Variants in ERC1 observed in about 807,000 individuals in gnomAD.
The protein encoded by ERC1 is ELKS/RAB6-interacting/CAST family member 1, also known as RAB6 interacting protein 2.
Under a neutral mutation model 132.0 loss-of-function variants are expected in ERC1, and 56 were observed. That is an observed-to-expected ratio of 0.42 (90% CI 0.34 to 0.53). The LOEUF (loss-of-function observed/expected upper bound fraction) is 0.53. ERC1 is among the 20% of genes least tolerant of loss of function. The probability of loss-of-function intolerance (pLI) is 0.03; values close to 1 mark genes in which losing one functional copy is unlikely to be tolerated. For missense variants in ERC1, 1,202 were observed against 1,349.9 expected, an observed-to-expected ratio of 0.89 and a Z score of 1.72; for synonymous variants, 478 against 476.1, an observed-to-expected ratio of 1.00 and a Z score of -0.05.
intron 15 of ERC1, among the ~76,000 whole-genome samples, chr12:1,326,184 T>G (rs1243239027): frequency 6.6e-6 from 1 of 152,190 alleles, no homozygotes; most frequent in African/African-American, 2.4e-5. Context: ...CTCACCGTTT[T>G]ACTGATTTGC....
chr12:1,014,664 C>G (rs1965233510), intron 1 of ERC1, among the ~76,000 whole-genome samples: 1 of 152,134 alleles, frequency 6.6e-6, no homozygotes, highest in Non-Finnish European at 1.5e-5. Flanking sequence ...GCCTCGTAAG[C>G]ATTCTTCTGT....
chr12:1,019,603 C>CA (rs1415808702), intron 1 of ERC1, among the ~76,000 whole-genome samples: 1 of 152,200 alleles, frequency 6.6e-6, no homozygotes, highest in Admixed American at 6.5e-5. Context: ...GGACCTCCTG[C>CA]AAGGGGGTCT....
chr12:1,075,314 AAC>A (rs1941157040), intron 2 of ERC1, among the ~76,000 whole-genome samples: 1 of 152,204 alleles, frequency 6.6e-6, no homozygotes, highest in Non-Finnish European at 1.5e-5. Context: ...ATAGTTGATT[AAC>A]ACATATTTTG....
intron 15 of ERC1, among the ~76,000 whole-genome samples, chr12:1,302,150 T>C (rs937239251): frequency 6.6e-6 from 1 of 152,128 alleles, no homozygotes; most frequent in Admixed American, 6.5e-5. Flanking sequence ...AGCTAATATA[T>C]CACAACCAGG....
intron 15 of ERC1, among the ~76,000 whole-genome samples, chr12:1,310,585 T>G (rs7953630): frequency 0.018 from 2,765 of 152,312 alleles, 88 homozygotes; most frequent in African/African-American, 0.064. Context: ...CTAAAACATT[T>G]GGGAAATTAG....
Position 1,343,483 on chromosome 12 carries a change from T to C in ERC1, c.2781-28350T>C, listed in dbSNP as rs554190108. 1.2e-4 allele frequency among the ~76,000 whole-genome samples: 19 copies of C among 152,350 alleles called. No homozygotes were observed. The East Asian group carries it at 2.9e-3, about 23-fold the overall frequency. ...TATGAGCTGCACCAGGAATATCGTA[T>C]CTAGTACAAAAACTGTATGTCTGTT... On this transcript the variant is annotated intron_variant, in intron 15 of 18. Transcript: ENST00000360905.
chr12:1,272,686 A>T (rs928616200), intron 14 of ERC1, among the ~76,000 whole-genome samples: 1 of 152,170 alleles, frequency 6.6e-6, no homozygotes, highest in Non-Finnish European at 1.5e-5. Context: ...GCTGTGGCTT[A>T]TACCTGTAAT....
At chr12:1,049,713 A>G (rs1200618800) in intron 2 of ERC1, among the ~76,000 whole-genome samples, 2 of 151,756 alleles carry the variant, frequency 1.3e-5, no homozygotes, top group Non-Finnish European at 2.9e-5. Flanking sequence ...ACAAATGACA[A>G]GTAACATCGG....
intron 15 of ERC1, among the ~76,000 whole-genome samples, chr12:1,300,553 T>C (rs2080309014): frequency 6.6e-6 from 1 of 152,034 alleles, no homozygotes; most frequent in Non-Finnish European, 1.5e-5. Flanking sequence ...TTTTCCAAAT[T>C]GTGTGACAAA....
At chr12:1,065,480 TTGTGTGTGTGTGTGTGTG>T (rs71293132) in intron 2 of ERC1, among the ~76,000 whole-genome samples, 5 of 124,922 alleles carry the variant, frequency 4.0e-5, no homozygotes, top group South Asian at 2.9e-4. Context: ...TTTGTACCGT[TTGTGTGTGTGTGTGTGTG>T]TGTGTGTGTG....
intron 12 of ERC1, among the ~76,000 whole-genome samples, chr12:1,236,398 T>G (rs1175801802): frequency 6.6e-6 from 1 of 152,220 alleles, no homozygotes; most frequent in Non-Finnish European, 1.5e-5. Flanking sequence ...CAAAGCTTTC[T>G]TTTTCTATCA....
At chr12:1,180,284 CGCGCACGCGT>C (rs1342497597) in intron 8 of ERC1, among the ~76,000 whole-genome samples, 2 of 122,286 alleles carry the variant, frequency 1.6e-5, no homozygotes, top group African/African-American at 8.4e-5. Context: ...TGTGTGTGTG[CGCGCACGCGT>C]GTGCGCGCGC....
intron 14 of ERC1, among the ~76,000 whole-genome samples, chr12:1,271,560 T>A (rs1177121263): frequency 2.0e-5 from 3 of 152,220 alleles, no homozygotes; most frequent in Non-Finnish European, 4.4e-5. Context: ...ATTTTTATTA[T>A]TGATTTAGAG....
At position 1,339,363 on chromosome 12, in the gene ERC1, A is replaced by G. The variant is rs532559563; in HGVS notation, c.2781-32470A>G. 2.3e-3 allele frequency among the ~76,000 whole-genome samples: 325 copies of G among 139,138 alleles called. 1 individual carries two copies. Among genetic ancestry groups the G allele is most frequent in the African/African-American group, 8.6e-3 (298 of 34,664 alleles). 91.3% of individuals were successfully genotyped at this position (139,138 alleles called of 152,430 possible). ...AGCAGGTGCCAGGGTGCCCGCCCCC[A>G]TGTAGGCATTCACTGCAGTGGCAGA... is the stretch of plus-strand genomic sequence containing the variant. On this transcript the variant is annotated intron_variant, in intron 15 of 18. Transcript: ENST00000360905.
intron 18 of ERC1, among the ~76,000 whole-genome samples, chr12:1,463,697 CTGTGTGTGTGTGTGTGTGTG>C (rs57210462): frequency 2.9e-5 from 4 of 136,032 alleles, no homozygotes; most frequent in African/African-American, 1.2e-4. Flanking sequence ...GGTGCTAAGA[CTGTGTGTGTGTGTGTGTGTG>C]TGTGTGTGTG....
intron 15 of ERC1, among the ~76,000 whole-genome samples, chr12:1,367,546 CTT>C (rs2086779478): frequency 6.6e-6 from 1 of 152,164 alleles, no homozygotes; most frequent in Non-Finnish European, 1.5e-5. Flanking sequence ...ATTACGGTCT[CTT>C]ATTTACTAGC....
intron 15 of ERC1, among the ~76,000 whole-genome samples, chr12:1,349,327 CT>C (rs2084777506): frequency 6.6e-6 from 1 of 152,166 alleles, no homozygotes; most frequent in Admixed American, 6.5e-5. Context: ...GGATTAATAG[CT>C]TTTTGTCCTA....
At chr12:1,255,711 C>A (rs1260884970) in intron 13 of ERC1, among the ~76,000 whole-genome samples, 2 of 139,896 alleles carry the variant, frequency 1.4e-5, no homozygotes, top group Non-Finnish European at 3.0e-5. Context: ...CGGCTCACTG[C>A]AAGTTCTGCC....
intron 4 of ERC1, 84 bp downstream of exon 4, chr12:1,104,908 A>T: frequency 1.2e-6 from 1 of 810,562 alleles, no homozygotes; most frequent in Non-Finnish European, 2.1e-6. Flanking sequence ...GTGTTAGGAA[A>T]TGGCATGTAA....
Sources: allele counts gnomAD v4.1 joint callset (sites outside exome capture counted in the v4.1 genomes callset), GRCh38; gene constraint gnomAD v4.1.1; transcripts MANE v1.5; gene names NCBI Gene and HGNC (gene_info 2026-07-23, HGNC 2026-07-21).